The following NTM variants were observed in gnomAD, a reference collection of about 807,000 sequenced individuals.
The protein encoded by NTM is IgLON family member 2.
In NTM, 13 loss-of-function variants were observed where a neutral mutation model predicts 42.1. The observed-to-expected ratio is 0.31, with a 90% CI of 0.20 to 0.49. The LOEUF (loss-of-function observed/expected upper bound fraction) is 0.49. Ranked by LOEUF, NTM falls within the 20% of genes least tolerant of loss-of-function variation. The probability of loss-of-function intolerance (pLI) is 0.99; values close to 1 mark genes in which losing one functional copy is unlikely to be tolerated. For missense variants in NTM, 373 were observed against 452.8 expected (o/e 0.82, Z 1.60); for synonymous variants, 187 against 179.2 (o/e 1.04, Z -0.35).
intron 1 of NTM, among the ~76,000 whole-genome samples, chr11:131,894,915 C>T (rs150109297): frequency 1.4e-4 from 22 of 152,306 alleles, no homozygotes; most frequent in African/African-American, 2.6e-4. Context: ...CCATTTCCAA[C>T]GCCAGCAGTG....
At chr11:132,310,936 G>C (rs1348316614) in intron 6 of NTM, among the ~76,000 whole-genome samples, 1 of 152,160 alleles carries the variant, frequency 6.6e-6, no homozygotes, top group African/African-American at 2.4e-5. Context: ...CATTTTTAAG[G>C]GGGATGAACA....
chr11:131,886,855 C>T (rs2050489384), intron 1 of NTM, among the ~76,000 whole-genome samples: 1 of 152,240 alleles, frequency 6.6e-6, no homozygotes, highest in Non-Finnish European at 1.5e-5. Context: ...ATCTGTCCCG[C>T]TGGGATGATA....
intron 1 of NTM, among the ~76,000 whole-genome samples, chr11:131,610,529 CT>C (rs1385852105): frequency 2.0e-5 from 3 of 152,212 alleles, no homozygotes; most frequent in Non-Finnish European, 4.4e-5. Context: ...TCAGAAAGCT[CT>C]GCACCAGGAG....
chr11:132,165,081 C>T (rs1042086337), intron 3 of NTM, among the ~76,000 whole-genome samples: 1 of 152,174 alleles, frequency 6.6e-6, no homozygotes, highest in Non-Finnish European at 1.5e-5. Context: ...GGGGCTTTAC[C>T]TGCAGTGCTT....
intron 2 of NTM, among the ~76,000 whole-genome samples, chr11:132,090,012 C>T (rs1260384360): frequency 6.6e-6 from 1 of 152,088 alleles, no homozygotes; most frequent in Non-Finnish European, 1.5e-5. Flanking sequence ...ATCACTCTTC[C>T]AGATGCTTTG....
intron 1 of NTM, among the ~76,000 whole-genome samples, chr11:131,506,162 G>A (rs74530847): frequency 0.022 from 3,370 of 152,198 alleles, 135 homozygotes; most frequent in African/African-American, 0.077. Context: ...ACAAATCAGG[G>A]AGGCCTGTGT....
intron 1 of NTM, among the ~76,000 whole-genome samples, chr11:131,767,816 T>G (rs2085358573): frequency 6.6e-6 from 1 of 152,116 alleles, no homozygotes. Context: ...CTTCGAGATT[T>G]GCAGCAGAGA....
chr11:131,525,245 A>G (rs564135766), intron 1 of NTM, among the ~76,000 whole-genome samples: 25 of 152,300 alleles, frequency 1.6e-4, no homozygotes, highest in Admixed American at 1.6e-3. Context: ...CTGAGCAACA[A>G]TCTCTCTCTG....
chr11:131,977,178 G>A (rs893452788), intron 2 of NTM, among the ~76,000 whole-genome samples: 2 of 152,230 alleles, frequency 1.3e-5, no homozygotes, highest in African/African-American at 2.4e-5. Context: ...ACTCACCAGT[G>A]CCATTTGGTA....
At chr11:132,128,750 TA>T (rs968548199) in intron 2 of NTM, among the ~76,000 whole-genome samples, 46 of 146,208 alleles carry the variant, frequency 3.1e-4, no homozygotes, top group Admixed American at 1.1e-3. Context: ...CCGTCTCTAC[TA>T]AAAAAAAAAT....
intron 3 of NTM, among the ~76,000 whole-genome samples, chr11:132,195,878 T>G (rs1251950379): frequency 6.6e-6 from 1 of 152,094 alleles, no homozygotes; most frequent in Non-Finnish European, 1.5e-5. Context: ...GAAAATATCC[T>G]CCTGGACATT....
At chr11:132,091,271 A>G (rs549547238) in intron 2 of NTM, among the ~76,000 whole-genome samples, 1 of 152,104 alleles carries the variant, frequency 6.6e-6, no homozygotes, top group South Asian at 2.1e-4. Flanking sequence ...AGCTGGGCAT[A>G]GTGGCACATG....
chr11:131,803,629 T>C (rs568416011), intron 1 of NTM, among the ~76,000 whole-genome samples: 8 of 152,320 alleles, frequency 5.3e-5, no homozygotes, highest in African/African-American at 1.9e-4. Context: ...TTATTAATTA[T>C]CAAATAAACT....
Position 131,878,518 on chromosome 11 carries a change from C to T in NTM, c.83-33046C>T, listed in dbSNP as rs548724807. On this transcript the variant is annotated intron_variant, in intron 1 of 8. Transcript: ENST00000683400. ...CCAGGAGGCAGAGGTTGCAGTGACC[C>T]GAGATGGCACCGCTGCACTCCAGCC... 9.8e-4 allele frequency among the ~76,000 whole-genome samples: 136 copies of T among 138,094 alleles called. No homozygotes were observed. In the East Asian group the frequency reaches 0.02, roughly 20 times the overall value. 90.6% of individuals were successfully genotyped at this position (138,094 alleles called of 152,430 possible). A position where few individuals can be genotyped will look rare whatever the true frequency, so the allele number is the denominator to read the frequency against.
chr11:131,583,676 G>T (rs924272116), intron 1 of NTM, among the ~76,000 whole-genome samples: 1 of 152,168 alleles, frequency 6.6e-6, no homozygotes, highest in African/African-American at 2.4e-5. Context: ...TGACTCAAAG[G>T]GAGAGGGAGG....
At chr11:131,731,085 T>C (rs568641649) in intron 1 of NTM, among the ~76,000 whole-genome samples, 3 of 152,312 alleles carry the variant, frequency 2.0e-5, no homozygotes, top group Non-Finnish European at 4.4e-5. Context: ...TTTTATGCTA[T>C]AAAAACCCTA....
intron 1 of NTM, among the ~76,000 whole-genome samples, chr11:131,899,107 C>G (rs2052736127): frequency 6.6e-6 from 1 of 152,122 alleles, no homozygotes; most frequent in Non-Finnish European, 1.5e-5. Context: ...TGCTAGAAGT[C>G]AAACTTTTGG....
At chr11:131,496,295 G>A (rs893983635) in intron 1 of NTM, among the ~76,000 whole-genome samples, 6 of 152,158 alleles carry the variant, frequency 3.9e-5, no homozygotes, top group South Asian at 2.1e-4. Flanking sequence ...AAGGTCCTGC[G>A]GACAGTCAGC....
At chr11:132,074,329 G>A (rs1371661113) in intron 2 of NTM, among the ~76,000 whole-genome samples, 2 of 152,194 alleles carry the variant, frequency 1.3e-5, no homozygotes, top group Non-Finnish European at 2.9e-5. Context: ...CAGCACACAG[G>A]TGGGTGGGGA....
Sources: gnomAD v4.1 joint callset for allele counts (sites outside exome capture counted in the v4.1 genomes callset) on GRCh38, gnomAD v4.1.1 for gene constraint, MANE v1.5 for transcripts, NCBI Gene and HGNC (gene_info 2026-07-23, HGNC 2026-07-21) for gene names.